Variants in TMEM120B observed in about 807,000 individuals in gnomAD.
TMEM120B encodes transmembrane protein 120B.
A neutral mutation model predicts 55.5 loss-of-function variants in TMEM120B; 31 were observed. The ratio of observed to expected loss-of-function variants is 0.56; its 90% confidence interval spans 0.42 to 0.75. TMEM120B has a LOEUF of 0.75. Among genes scored for constraint, TMEM120B ranks in the 30% least tolerant of loss-of-function variants. TMEM120B has a pLI of 0.00. For synonymous variants in TMEM120B, 203 were observed against 176.3 expected (o/e 1.15, Z -1.20); for missense variants, 399 against 425.5 (o/e 0.94, Z 0.55).
chr12:121,730,609 C>T (rs1298287765), intron 1 of TMEM120B, among the ~76,000 whole-genome samples: 6 of 146,858 alleles, frequency 4.1e-5, no homozygotes, highest in Non-Finnish European at 8.9e-5. Flanking sequence ...CGAGATCACT[C>T]CACTGCACTC....
chr12:121,746,928 A>G (rs1048985034), intron 2 of TMEM120B, among the ~76,000 whole-genome samples: 1 of 152,002 alleles, frequency 6.6e-6, no homozygotes, highest in African/African-American at 2.4e-5. Context: ...ACTGCACTCC[A>G]GCCTGGGCGA....
intron 4 of TMEM120B, among the ~76,000 whole-genome samples, chr12:121,751,045 C>T (rs1592938557): frequency 8.0e-6 from 1 of 125,170 alleles, no homozygotes; most frequent in Admixed American, 8.0e-5. Context: ...AAACTGACAC[C>T]CACTCTCTAC....
In TMEM120B at chr12:121,717,756, C is replaced by G. The variant is rs1403360406; in HGVS notation, c.69+4792C>G. On this transcript the variant is annotated intron_variant, in intron 1 of 11. Transcript: ENST00000449592. Reference sequence around the variant, plus strand: ...CACCACAACCTCCGCCTTCCAGGTTCAAGCGATTCTCCTGCCTCAGCCTCC... The same window carrying G: ...CACCACAACCTCCGCCTTCCAGGTTGAAGCGATTCTCCTGCCTCAGCCTCC... Among the ~76,000 whole-genome samples, 7 of 152,198 alleles carry G rather than the reference C, an allele frequency of 4.6e-5. No individual in the cohort carries two copies. The East Asian group carries it at 1.3e-3, about 29-fold the overall frequency.
At chr12:121,750,910 AC>A (rs1331204816) in intron 4 of TMEM120B, among the ~76,000 whole-genome samples, 2 of 50,854 alleles carry the variant, frequency 3.9e-5, no homozygotes, top group Non-Finnish European at 7.4e-5. Context: ...CCCACACCCC[AC>A]ACCCCACACC....
At chr12:121,764,419 G>A (rs1873779780) in intron 6 of TMEM120B, among the ~76,000 whole-genome samples, 1 of 152,158 alleles carries the variant, frequency 6.6e-6, no homozygotes, top group South Asian at 2.1e-4. Context: ...ACTCAGGAAG[G>A]CTGAGGCAGG....
intron 6 of TMEM120B, 71 bp from the exon 7 acceptor site, chr12:121,770,836 G>A (rs1874018451): frequency 7.1e-7 from 1 of 1,406,728 alleles, no homozygotes; most frequent in Non-Finnish European, 1.0e-6. Context: ...TGCATAGGTG[G>A]GGCCTCAGCG....
At chr12:121,752,371 T>C in intron 5 of TMEM120B, 148 bp downstream of exon 5, 2 of 657,158 alleles carry the variant, frequency 3.0e-6, no homozygotes, top group Non-Finnish European at 5.4e-6. Context: ...CCATTTCTCA[T>C]GGGAAATGCC....
In TMEM120B at chr12:121,773,533, TTGGAGCCGGGGC is replaced by T; in HGVS notation, c.772+21_772+32del. On this transcript the variant is annotated intron_variant, in intron 9 of 11. Transcript: ENST00000449592. ...CAGTGGGTGAGTAGCTGGGCCTGGG[TTGGAGCCGGGGC>T]AGGTACTGGACCTGCCAGCTCCCCA... The T allele has an allele frequency of 3.8e-6, 6 of 1,565,570 alleles. No homozygotes were observed. Among genetic ancestry groups the T allele is most frequent in the Non-Finnish European group, 4.3e-6 (5 of 1,153,352 alleles).
intron 6 of TMEM120B, among the ~76,000 whole-genome samples, chr12:121,763,925 G>A (rs540836166): frequency 1.3e-5 from 2 of 152,240 alleles, no homozygotes; most frequent in Admixed American, 6.5e-5. Flanking sequence ...TACACTGAAC[G>A]TAGAGCCTGG....
intron 1 of TMEM120B, among the ~76,000 whole-genome samples, chr12:121,741,393 G>A (rs1325064902): frequency 2.6e-5 from 4 of 152,102 alleles, no homozygotes; most frequent in Admixed American, 6.6e-5. Context: ...GCAATGGCGC[G>A]ATCTCGGCTC....
At chr12:121,752,758 AG>A (rs1873369777) in intron 5 of TMEM120B, among the ~76,000 whole-genome samples, 1 of 151,950 alleles carries the variant, frequency 6.6e-6, no homozygotes, top group Non-Finnish European at 1.5e-5. Flanking sequence ...CCCAAAAAAA[AG>A]GAGTTCACTG....
At chr12:121,758,890 G>A (rs1873575161) in intron 5 of TMEM120B, 2 of 982,364 alleles carry the variant, frequency 2.0e-6, no homozygotes, top group Admixed American at 6.3e-5. Context: ...TGGTCACCAT[G>A]GAGGAGGACG....
intron 10 of TMEM120B, 147 bp downstream of exon 10, chr12:121,774,869 TGCCAA>T: frequency 8.3e-7 from 1 of 1,203,124 alleles, no homozygotes; most frequent in Non-Finnish European, 1.2e-6. Context: ...GGCCCAGGGA[TGCCAA>T]GGCAGGAGCC....
rs758035311 is a variant in TMEM120B at position 121,773,455 on chromosome 12, G to A, written c.714G>A (p.Arg238=). The change falls in exon 9 of 12, where the codon AGG becomes AGA. Residue 238 remains arginine, a synonymous_variant. Coordinates refer to ENST00000449592, the MANE Select transcript of TMEM120B (RefSeq NM_001080825.2). ...CVQFLQYYYQ[R]GCLYRLRALG... ...AGTTCCTGCAATATTATTACCAGAG[G>A]GGCTGCCTCTACCGGCTGCGGGCCC... 1.2e-6 allele frequency: 2 copies of A among 1,610,250 alleles called. No individual in the cohort carries two copies. The highest frequency in any genetic ancestry group is 1.1e-5 in the South Asian group (1 of 90,802).
chr12:121,726,533 C>G (rs573919969), intron 1 of TMEM120B, among the ~76,000 whole-genome samples: 80 of 149,750 alleles, frequency 5.3e-4, no homozygotes, highest in Admixed American at 2.0e-4. Flanking sequence ...GAGCCGAGAT[C>G]GCGCTACTGC....
intron 4 of TMEM120B, 134 bp from the exon 5 acceptor site, chr12:121,751,994 T>G: frequency 5.8e-6 from 4 of 690,534 alleles, no homozygotes; most frequent in East Asian, 2.6e-5. Flanking sequence ...GGTCTTTCCT[T>G]TAGTGGAATG....
At chr12:121,712,993 T>TCTG in intron 1 of TMEM120B, 29 bp downstream of exon 1, 1 of 1,513,450 alleles carries the variant, frequency 6.6e-7, no homozygotes. Context: ...GTCCCGCAAC[T>TCTG]CTGCTGCCCG....
chr12:121,718,468 G>T (rs1894741246), intron 1 of TMEM120B, among the ~76,000 whole-genome samples: 1 of 152,062 alleles, frequency 6.6e-6, no homozygotes, highest in Non-Finnish European at 1.5e-5. Flanking sequence ...ATCGTGCCAG[G>T]GTACTCCAGC....
At chr12:121,749,718 C>T (rs1873213812) in intron 3 of TMEM120B, among the ~76,000 whole-genome samples, 1 of 151,968 alleles carries the variant, frequency 6.6e-6, no homozygotes, top group African/African-American at 2.4e-5. Flanking sequence ...CCAGCCTGGC[C>T]AACATGGTGA....
Sources: gnomAD v4.1 joint callset for allele counts (sites outside exome capture counted in the v4.1 genomes callset) on GRCh38, gnomAD v4.1.1 for gene constraint, MANE v1.5 for transcripts, NCBI Gene and HGNC (gene_info 2026-07-23, HGNC 2026-07-21) for gene names.